The following C3orf70 variants were observed in gnomAD, a reference collection of about 807,000 sequenced individuals.
The protein encoded by C3orf70 is chromosome 3 open reading frame 70.
C3orf70 carries 15 observed loss-of-function variants against 20.7 expected under a neutral mutation model. That is an observed-to-expected ratio of 0.72 (90% confidence interval 0.48 to 1.11). C3orf70 has a LOEUF of 1.11. Among genes scored for constraint, C3orf70 ranks in the 50% most tolerant of loss-of-function variants. The probability of loss-of-function intolerance (pLI) is 0.00; values close to 1 mark genes in which losing one functional copy is unlikely to be tolerated. For missense variants in C3orf70, 332 were observed against 317.6 expected, an observed-to-expected ratio of 1.05 and a Z score of -0.34; for synonymous variants, 161 against 125.7, an observed-to-expected ratio of 1.28 and a Z score of -1.88.
chr3:185,105,167 G>GT (rs1715904280), intron 1 of C3orf70, among the ~76,000 whole-genome samples: 1 of 152,202 alleles, frequency 6.6e-6, no homozygotes, highest in African/African-American at 2.4e-5. Context: ...TGTTCAATAG[G>GT]TTAAGTAGAT....
chr3:185,123,740 A>G (rs1716356597), intron 1 of C3orf70, among the ~76,000 whole-genome samples: 1 of 152,178 alleles, frequency 6.6e-6, no homozygotes, highest in South Asian at 2.1e-4. Flanking sequence ...ACAAAAATAT[A>G]TATTATTGCC....
At chr3:185,086,562 C>G (rs1404493407) in intron 1 of C3orf70, among the ~76,000 whole-genome samples, 1 of 152,200 alleles carries the variant, frequency 6.6e-6, no homozygotes, top group Admixed American at 6.5e-5. Context: ...ACTTCTGCCT[C>G]ACTCTTAGAA....
intron 1 of C3orf70, among the ~76,000 whole-genome samples, chr3:185,124,199 A>G (rs2108600222): frequency 6.6e-6 from 1 of 152,334 alleles, no homozygotes; most frequent in East Asian, 1.9e-4. Context: ...GAACTTGAGT[A>G]TCCACAGATT....
At chr3:185,099,675 C>A (rs756302448) in intron 1 of C3orf70, among the ~76,000 whole-genome samples, 65 of 151,810 alleles carry the variant, frequency 4.3e-4, no homozygotes, top group Admixed American at 8.5e-4. Context: ...AAATAACCAG[C>A]TAACAGCATG....
intron 1 of C3orf70, among the ~76,000 whole-genome samples, chr3:185,105,375 C>T (rs551091744): frequency 4.6e-5 from 7 of 152,236 alleles, no homozygotes; most frequent in Admixed American, 1.3e-4. Context: ...GGTGGAAAAC[C>T]GCTTAAAGCC....
chr3:185,088,433 GTAC>G (rs1348626531), intron 1 of C3orf70, among the ~76,000 whole-genome samples: 1 of 152,164 alleles, frequency 6.6e-6, no homozygotes, highest in African/African-American at 2.4e-5. Flanking sequence ...TTGTGACACT[GTAC>G]TACTGTTTTG....
chr3:185,090,813 C>G (rs1257643381), intron 1 of C3orf70, among the ~76,000 whole-genome samples: 1 of 152,128 alleles, frequency 6.6e-6, no homozygotes, highest in African/African-American at 2.4e-5. Context: ...AGTCAATACA[C>G]CAATATTTTT....
At chr3:185,112,333 T>C (rs943737138) in intron 1 of C3orf70, among the ~76,000 whole-genome samples, 7 of 152,306 alleles carry the variant, frequency 4.6e-5, no homozygotes, top group Middle Eastern at 3.4e-3. Flanking sequence ...TTTCTGACTA[T>C]ATTCTGACTG....
chr3:185,147,000 T>C lies in C3orf70; in HGVS notation c.196+5628A>G, dbSNP rs1236906445. On this transcript the variant is annotated intron_variant, in intron 1 of 1. Transcript: ENST00000335012. ...ATAGCGCAGCCATAAGGACCAGAGA[T>C]ATTAAACTCTCTAGACAGCATAACA... Among the ~76,000 whole-genome samples, 14 of 152,316 alleles carry C rather than the reference T, an allele frequency of 9.2e-5. No individual in the cohort carries two copies. The East Asian group carries it at 2.7e-3, about 29-fold the overall frequency.
At chr3:185,085,796 C>T (rs1429988483) in intron 1 of C3orf70, among the ~76,000 whole-genome samples, 3 of 149,636 alleles carry the variant, frequency 2.0e-5, no homozygotes, top group African/African-American at 7.5e-5. Flanking sequence ...TTTAAGCCTC[C>T]CTCCAGACCC....
At position 185,079,269 on chromosome 3, in the gene C3orf70, A is replaced by G. The variant is rs1346607084; in HGVS notation, c.*3738T>C. The G allele has an allele frequency of 7.3e-6, 1 of 136,878 alleles. No homozygotes were observed. Among genetic ancestry groups the G allele is most frequent in the Admixed American group, 7.3e-5 (1 of 13,720 alleles). 8.5% of individuals were successfully genotyped at this position (136,878 alleles called of 1,614,324 possible). Reference sequence around the variant, plus strand: ...GCACTCCAGCCTGGGTGAAGGAGCGAGACTCTGTCTCAAAAAAAAAAAAAA... The same window carrying G: ...GCACTCCAGCCTGGGTGAAGGAGCGGGACTCTGTCTCAAAAAAAAAAAAAA... On this transcript the variant is annotated 3_prime_UTR_variant, in exon 2 of 2. Coordinates refer to ENST00000335012, the MANE Select transcript of C3orf70 (RefSeq NM_001025266.3).
At chr3:185,124,988 T>C (rs972060805) in intron 1 of C3orf70, among the ~76,000 whole-genome samples, 2 of 152,192 alleles carry the variant, frequency 1.3e-5, no homozygotes, top group African/African-American at 4.8e-5. Context: ...ATTGATACTT[T>C]TTTTTAAGCG....
At chr3:185,107,343 C>T (rs1212565148) in intron 1 of C3orf70, among the ~76,000 whole-genome samples, 1 of 152,148 alleles carries the variant, frequency 6.6e-6, no homozygotes, top group African/African-American at 2.4e-5. Context: ...TTTATTACAA[C>T]AATGGGGAGC....
rs979270290 is a variant in C3orf70 at position 185,077,327 on chromosome 3, G to A, written c.*5680C>T. Among the ~76,000 whole-genome samples the A allele has an allele frequency of 4.6e-5, 7 of 152,086 alleles. No homozygotes were observed. The highest frequency in any genetic ancestry group is 1.4e-4 in the African/African-American group (6 of 41,416). On this transcript the variant is annotated 3_prime_UTR_variant, in exon 2 of 2. Coordinates refer to ENST00000335012, the MANE Select transcript of C3orf70 (RefSeq NM_001025266.3). ...TGCGGACTCTAGAGCCAAAGTGACC[G>A]GGTTCAAACCCTGACTGCCACTCAT...
intron 1 of C3orf70, among the ~76,000 whole-genome samples, chr3:185,145,920 CACCTATCAGCGTTCTCTATCTCTGGAAGA>C (rs1259305448): frequency 6.6e-6 from 1 of 152,202 alleles, no homozygotes; most frequent in African/African-American, 2.4e-5. Flanking sequence ...CACAGAAAGA[CACCTATCAGCGTTCTCTATCTCTGGAAGA>C]ACCTATCAGC....
At position 185,078,891 on chromosome 3, in the gene C3orf70, C is replaced by G. The variant is rs958460130; in HGVS notation, c.*4116G>C. Reference sequence around the variant, plus strand: ...AGCTTTATAAATTATCCAGGTGCACCTATTACCCAAGTCAAGAATTAAATT... The same window carrying G: ...AGCTTTATAAATTATCCAGGTGCACGTATTACCCAAGTCAAGAATTAAATT... On this transcript the variant is annotated 3_prime_UTR_variant, in exon 2 of 2. Coordinates refer to ENST00000335012, the MANE Select transcript of C3orf70 (RefSeq NM_001025266.3). 3.9e-5 allele frequency: 6 copies of G among 152,086 alleles called. No individual in the cohort carries two copies. The highest frequency in any genetic ancestry group is 1.4e-4 in the African/African-American group (6 of 41,414). The allele number at this position is 152,086 out of a possible 1,614,324, so 9.4% of individuals were successfully genotyped here.
chr3:185,145,068 T>G (rs9848204), intron 1 of C3orf70, among the ~76,000 whole-genome samples: 3,333 of 152,326 alleles, frequency 0.022, 102 homozygotes, highest in African/African-American at 0.075. Flanking sequence ...GTGTATACGA[T>G]TCCCTATTTT....
At chr3:185,106,062 T>C (rs771332983) in intron 1 of C3orf70, among the ~76,000 whole-genome samples, 19 of 152,132 alleles carry the variant, frequency 1.2e-4, no homozygotes, top group Middle Eastern at 3.2e-3. Flanking sequence ...AGACCCTCCA[T>C]ATCTTTCTTT....
intron 1 of C3orf70, among the ~76,000 whole-genome samples, chr3:185,128,277 C>T (rs1304508164): frequency 6.6e-6 from 1 of 152,092 alleles, no homozygotes; most frequent in Non-Finnish European, 1.5e-5. Context: ...GCCTGTAATC[C>T]CAGCACTTTG....
Sources: allele counts gnomAD v4.1 joint callset (sites outside exome capture counted in the v4.1 genomes callset), GRCh38; gene constraint gnomAD v4.1.1; transcripts MANE v1.5; gene names NCBI Gene and HGNC (gene_info 2026-07-23, HGNC 2026-07-21).